Variants in ZNF704 observed in about 807,000 individuals in gnomAD.
The protein encoded by ZNF704 is glucocorticoid induced gene 1.
Under a neutral mutation model 44.7 loss-of-function variants are expected in ZNF704, and 10 were observed. The ratio of observed to expected loss-of-function variants is 0.22; its 90% CI spans 0.14 to 0.38. The LOEUF (loss-of-function observed/expected upper bound fraction) is 0.38, where lower values mean the gene tolerates loss of function less well. Ranked by LOEUF, ZNF704 falls within the 10% of genes least tolerant of loss-of-function variation. The pLI is 1.00. For synonymous variants in ZNF704, 211 were observed against 207.6 expected (o/e 1.02, Z -0.14); for missense variants, 390 against 545.5 (o/e 0.71, Z 2.84).
At chr8:80,796,073 A>C (rs1807796339) in intron 2 of ZNF704, among the ~76,000 whole-genome samples, 1 of 152,214 alleles carries the variant, frequency 6.6e-6, no homozygotes, top group Non-Finnish European at 1.5e-5. Flanking sequence ...AAACCAAATG[A>C]AACCGGGTGT....
chr8:80,696,800 T>C (rs1393239919), intron 2 of ZNF704, among the ~76,000 whole-genome samples: 3 of 152,222 alleles, frequency 2.0e-5, no homozygotes, highest in Non-Finnish European at 4.4e-5. Context: ...CAAAATTGAT[T>C]TATGTTTCAT....
chr8:80,735,044 T>G (rs1806644150), intron 2 of ZNF704, among the ~76,000 whole-genome samples: 1 of 152,218 alleles, frequency 6.6e-6, no homozygotes. Flanking sequence ...TTTCAATGGT[T>G]ACTGGGTCCT....
At chr8:80,866,513 A>G (rs778323210) in intron 1 of ZNF704, among the ~76,000 whole-genome samples, 2 of 152,240 alleles carry the variant, frequency 1.3e-5, no homozygotes, top group Non-Finnish European at 2.9e-5. Flanking sequence ...GTATTCACAA[A>G]TATTTCAGAA....
At chr8:80,665,269 A>C (rs1227392724) in intron 5 of ZNF704, among the ~76,000 whole-genome samples, 187 bp from the exon 6 acceptor site, 3 of 152,164 alleles carry the variant, frequency 2.0e-5, no homozygotes, top group African/African-American at 7.2e-5. Flanking sequence ...TGATGTCTTA[A>C]AGCAATTCAT....
intron 1 of ZNF704, among the ~76,000 whole-genome samples, chr8:80,839,839 T>TGAGAGA (rs138328208): frequency 0.013 from 1,912 of 150,584 alleles, 39 homozygotes; most frequent in African/African-American, 0.044. Context: ...CCAGCCATAA[T>TGAGAGA]GAGAGAGAGA....
At chr8:80,845,273 T>C (rs1404607461) in intron 1 of ZNF704, among the ~76,000 whole-genome samples, 2 of 152,156 alleles carry the variant, frequency 1.3e-5, no homozygotes, top group African/African-American at 2.4e-5. Context: ...CAATGCCAAA[T>C]CCAATACAGA....
intron 6 of ZNF704, among the ~76,000 whole-genome samples, chr8:80,661,473 T>C (rs1818100884): frequency 6.6e-6 from 1 of 152,150 alleles, no homozygotes; most frequent in Non-Finnish European, 1.5e-5. Flanking sequence ...AATCAGCCTA[T>C]CAAAGGGACA....
In ZNF704 at chr8:80,665,884, C is replaced by T. The variant is rs185885896; in HGVS notation, c.660-802G>A. Among the ~76,000 whole-genome samples the T allele has an allele frequency of 4.3e-3, 655 of 151,714 alleles. 5 individuals are homozygous for T. Among genetic ancestry groups the T allele is most frequent in the African/African-American group, 0.015 (609 of 41,392 alleles). On this transcript the variant is annotated intron_variant, in intron 5 of 8. Transcript: ENST00000327835. Reference sequence around the variant, plus strand: ...GAGACCTCCTCAGCCATACTTCCTGCACAGCCTGTGAACCATGAGCCAATT... The same window carrying T: ...GAGACCTCCTCAGCCATACTTCCTGTACAGCCTGTGAACCATGAGCCAATT...
rs1465736010 is a variant in ZNF704 at position 80,629,892 on chromosome 8, G to A, written c.*11474C>T. Reference sequence around the variant, plus strand: ...TGTTACTAGAACATCCACCTTTAAAGAACTGGGCACATTTTCTAACAGCCA... The same window carrying A: ...TGTTACTAGAACATCCACCTTTAAAAAACTGGGCACATTTTCTAACAGCCA... On this transcript the variant is annotated 3_prime_UTR_variant, in exon 9 of 9. Coordinates refer to ENST00000327835, the MANE Select transcript of ZNF704 (RefSeq NM_001033723.3). The A allele has an allele frequency of 6.6e-6, 1 of 152,152 alleles. No individual in the cohort carries two copies. The highest frequency in any genetic ancestry group is 2.4e-5 in the African/African-American group (1 of 41,444). The allele number at this position is 152,152 out of a possible 1,614,324, so 9.4% of individuals were successfully genotyped here. A position where few individuals can be genotyped will look rare whatever the true frequency, so the allele number is the denominator to read the frequency against.
intron 2 of ZNF704, among the ~76,000 whole-genome samples, chr8:80,781,440 A>C (rs1807521483): frequency 6.6e-6 from 1 of 152,292 alleles, no homozygotes; most frequent in South Asian, 2.1e-4. Context: ...ATTTCATATA[A>C]TTTTCACGTC....
At position 80,681,512 on chromosome 8, in the gene ZNF704, C is replaced by T. The variant is rs553489391; in HGVS notation, c.558+5714G>A. ...GGCTTGGTGGTGCCTTTGACTGAAG[C>T]GGCGTATGAGGAGTGCTGGCCTTGG... is the stretch of plus-strand genomic sequence containing the variant. On this transcript the variant is annotated intron_variant, in intron 4 of 8. Transcript: ENST00000327835. 6.6e-5 allele frequency among the ~76,000 whole-genome samples: 10 copies of T among 152,082 alleles called. No individual in the cohort carries two copies. In the East Asian group the frequency reaches 9.7e-4, roughly 15 times the overall value.
At chr8:80,818,053 G>C (rs898160830) in intron 2 of ZNF704, among the ~76,000 whole-genome samples, 2 of 152,222 alleles carry the variant, frequency 1.3e-5, no homozygotes, top group South Asian at 4.1e-4. Context: ...GTGAGGTAGA[G>C]AGTAAGGTGG....
intron 2 of ZNF704, among the ~76,000 whole-genome samples, chr8:80,792,074 AAAAGT>A (rs1373457246): frequency 6.6e-6 from 1 of 152,156 alleles, no homozygotes; most frequent in Non-Finnish European, 1.5e-5. Flanking sequence ...GGTAGGAAAG[AAAAGT>A]AAAGAATAGA....
chr8:80,827,166 T>C (rs953489576), intron 1 of ZNF704, among the ~76,000 whole-genome samples: 72 of 152,216 alleles, frequency 4.7e-4, no homozygotes, highest in African/African-American at 1.3e-3. Flanking sequence ...CATTGTATAT[T>C]TAGAAAACCC....
intron 1 of ZNF704, among the ~76,000 whole-genome samples, chr8:80,871,990 G>T (rs941949304): frequency 6.6e-6 from 1 of 152,168 alleles, no homozygotes; most frequent in Non-Finnish European, 1.5e-5. Context: ...TTACGGATTT[G>T]ATTTTTTCCC....
At chr8:80,865,821 C>T (rs184638531) in intron 1 of ZNF704, among the ~76,000 whole-genome samples, 229 of 152,250 alleles carry the variant, frequency 1.5e-3, no homozygotes, top group African/African-American at 5.3e-3. Flanking sequence ...GCAACATGAA[C>T]GAACCCTCCT....
chr8:80,841,596 T>C (rs1586067983), intron 1 of ZNF704, among the ~76,000 whole-genome samples: 1 of 152,228 alleles, frequency 6.6e-6, no homozygotes, highest in Admixed American at 6.5e-5. Flanking sequence ...AACTTTAATA[T>C]GTCATATAAA....
chr8:80,776,843 T>A (rs1017069300), intron 2 of ZNF704: 3 of 152,078 alleles, frequency 2.0e-5, no homozygotes, highest in Non-Finnish European at 2.9e-5. Flanking sequence ...TGATGCCAAA[T>A]TTAGTGTGGA....
intron 1 of ZNF704, among the ~76,000 whole-genome samples, chr8:80,830,753 C>CTTTTTT (rs772059759): frequency 1.5e-4 from 13 of 89,110 alleles, no homozygotes; most frequent in African/African-American, 1.9e-4. Context: ...GTGTTTCTTT[C>CTTTTTT]TTTTTTTTTT....
Sources: gnomAD v4.1 joint callset for allele counts (sites outside exome capture counted in the v4.1 genomes callset) on GRCh38, gnomAD v4.1.1 for gene constraint, MANE v1.5 for transcripts, NCBI Gene and HGNC (gene_info 2026-07-23, HGNC 2026-07-21) for gene names.